RASGRP2: variants seen among roughly 807,000 people sequenced by gnomAD.
The protein encoded by RASGRP2 is RAS guanyl releasing protein 2, also known as RAS guanyl-releasing protein 2.
In RASGRP2, 44 loss-of-function variants were observed where a neutral mutation model predicts 71.0. The observed-to-expected ratio is 0.62, with a 90% CI of 0.49 to 0.80. The LOEUF (loss-of-function observed/expected upper bound fraction) is 0.80. RASGRP2 is among the 30% of genes least tolerant of loss of function. The probability of loss-of-function intolerance (pLI) is 0.00; values close to 1 mark genes in which losing one functional copy is unlikely to be tolerated. For missense variants in RASGRP2, 663 were observed against 813.4 expected, an observed-to-expected ratio of 0.82 and a Z score of 2.25; for synonymous variants, 350 against 330.7, an observed-to-expected ratio of 1.06 and a Z score of -0.63.
At chr11:64,737,657 C>T (rs187573028) in intron 8 of RASGRP2, among the ~76,000 whole-genome samples, 1,400 of 115,006 alleles carry the variant, frequency 0.012, 14 homozygotes, top group South Asian at 0.027. Context: ...TCCAGCCTGG[C>T]GACAGAGCAA....
At position 64,739,645 on chromosome 11, in the gene RASGRP2, G is replaced by T; in HGVS notation, c.687C>A (p.His229Gln). 1 of 1,613,420 alleles carries T rather than the reference G, an allele frequency of 6.2e-7. No individual in the cohort carries two copies. The highest frequency in any genetic ancestry group is 1.3e-5 in the African/African-American group (1 of 74,996). ...QRALVITHFV[H>Q]VAEKLLQLQN... ...AGGGAGGGGCAGGCACCTCCGCCACGTGGACAAAGTGTGTGATGACCAGGG... is the reference window on the plus strand; with the variant it reads ...AGGGAGGGGCAGGCACCTCCGCCACTTGGACAAAGTGTGTGATGACCAGGG... The change falls in exon 7 of 17, where the codon CAC (histidine) becomes CAA (glutamine). Residue 229 changes from histidine (H) to glutamine (Q), a missense_variant. Coordinates refer to ENST00000394432, the MANE Select transcript of RASGRP2 (RefSeq NM_001098671.2). The surrounding 1 kb of genome is among the most constrained non-coding windows in gnomAD (Gnocchi z 4.2).
Position 64,739,876 on chromosome 11 carries a change from C to A in RASGRP2, c.523-67G>T. 3 of 1,609,516 alleles carry A rather than the reference C, an allele frequency of 1.9e-6. No individual in the cohort carries two copies. The highest frequency in any genetic ancestry group is 2.5e-6 in the Non-Finnish European group (3 of 1,177,982). ...CCCCTCACTGATAGCCACTCCTCACCCTCCAGCTGACCTTCAGTGGTTACA... is the reference window on the plus strand; with the variant it reads ...CCCCTCACTGATAGCCACTCCTCACACTCCAGCTGACCTTCAGTGGTTACA... On this transcript the variant is annotated intron_variant, in intron 6 of 16. Transcript: ENST00000394432. This position sits in a 1 kb window ranked among gnomAD's most constrained non-coding sequence, Gnocchi z 4.2.
At chr11:64,729,658 A>C in intron 14 of RASGRP2, 104 bp downstream of exon 14, 3 of 1,379,286 alleles carry the variant, frequency 2.2e-6, no homozygotes, top group Non-Finnish European at 3.1e-6. Flanking sequence ...ATTTTAAGGT[A>C]CTTCACTCCT....
chr11:64,727,454 A>T, intron 15 of RASGRP2, 94 bp from the exon 16 acceptor site: 1 of 1,130,230 alleles, frequency 8.8e-7, no homozygotes. Flanking sequence ...ACATCATCCC[A>T]GAAGCAGACC....
chr11:64,729,786 A>T lies in RASGRP2; in HGVS notation c.1567T>A (p.Tyr523Asn), dbSNP rs756033009. Reference protein sequence around the residue: ...RHCKALILGIYKQGLKCRACG... With the variant: ...RHCKALILGINKQGLKCRACG... ...CCTCGGCATTTGAGGCCCTGCTTGT[A>T]GATGCCCAGGATCTGCAATAGAGGA... is the stretch of plus-strand genomic sequence containing the variant. The change falls in exon 14 of 17, where the codon TAC becomes AAC. Residue 523 changes from tyrosine (Y) to asparagine (N), a missense_variant. By Grantham distance (143) the Tyr-to-Asn change is moderately radical. Transcript: ENST00000394432. 1 of 1,614,026 alleles carries T rather than the reference A, an allele frequency of 6.2e-7. No homozygotes were observed. Among genetic ancestry groups the T allele is most frequent in the South Asian group, 1.1e-5 (1 of 91,080 alleles).
rs1043510462 is a variant in RASGRP2 at position 64,727,079 on chromosome 11, T to C, written c.*59A>G. On this transcript the variant is annotated 3_prime_UTR_variant, in exon 17 of 17. Transcript: ENST00000394432. Reference sequence around the variant, plus strand: ...GCCCCGACACCCCCAGGCTCCCTGCTCTGGTTGAAGTATTTTCTCCAAGGC... The same window carrying C: ...GCCCCGACACCCCCAGGCTCCCTGCCCTGGTTGAAGTATTTTCTCCAAGGC... 6.8e-5 allele frequency: 25 copies of C among 365,420 alleles called. No homozygotes were observed. Among genetic ancestry groups the C allele is most frequent in the Non-Finnish European group, 1.0e-4 (19 of 185,758 alleles). 22.6% of individuals were successfully genotyped at this position (365,420 alleles called of 1,614,324 possible). A position where few individuals can be genotyped will look rare whatever the true frequency, so the allele number is the denominator to read the frequency against.
rs937676250 is a variant in RASGRP2, at chr11:64,743,528, C to A, written c.-72+475G>T. The A allele has an allele frequency of 1.3e-4, 45 of 339,510 alleles. No individual in the cohort carries two copies. The highest frequency in any genetic ancestry group is 9.2e-4 in the African/African-American group (41 of 44,628). The allele number at this position is 339,510 out of a possible 1,614,324, so 21.0% of individuals were successfully genotyped here. On this transcript the variant is annotated intron_variant, in intron 1 of 16. Coordinates refer to ENST00000394432, the MANE Select transcript of RASGRP2 (RefSeq NM_001098671.2). This position sits in a 1 kb window ranked among gnomAD's most constrained non-coding sequence, Gnocchi z 4.9. ...GCGGACTGGATGGGAGAGGAACATT[C>A]CTGGGGCGGGGGGAGCCCGCTGCGG...
In RASGRP2 at chr11:64,744,102, G is replaced by C; in HGVS notation, c.-171C>G. 1 of 988,436 alleles carries C rather than the reference G, an allele frequency of 1.0e-6. No individual in the cohort carries two copies. Among genetic ancestry groups the C allele is most frequent in the Non-Finnish European group, 1.2e-6 (1 of 831,100 alleles). The allele number at this position is 988,436 out of a possible 1,614,324, so 61.2% of individuals were successfully genotyped here. A position where few individuals can be genotyped will look rare whatever the true frequency, so the allele number is the denominator to read the frequency against. The stretch of plus-strand genomic sequence containing the variant: ...CAGCCTTGAGTCCCGCGGCCACACA[G>C]GCGCTGACATCCTCACACGTGTGCA... On this transcript the variant is annotated 5_prime_UTR_variant, in exon 1 of 17. Transcript: ENST00000394432.
At position 64,742,566 on chromosome 11, in the gene RASGRP2, C is replaced by T. The variant is rs2058165690; in HGVS notation, c.73+228G>A. The T allele has an allele frequency of 6.4e-6, 4 of 629,574 alleles. No individual in the cohort carries two copies. In the South Asian group the frequency reaches 7.7e-5, roughly 12 times the overall value. 39.0% of individuals were successfully genotyped at this position (629,574 alleles called of 1,614,324 possible). On this transcript the variant is annotated intron_variant, in intron 2 of 16. Transcript: ENST00000394432. The surrounding 1 kb of genome is among the most constrained non-coding windows in gnomAD (Gnocchi z 4.7). ...GTGTCAGAGTCCGGGACCCGGCCCT[C>T]CCTTCGCCGCCGCTGGGGAAGGCTA...
intron 12 of RASGRP2, among the ~76,000 whole-genome samples, chr11:64,731,992 C>T (rs1011255896): frequency 6.6e-6 from 1 of 152,142 alleles, no homozygotes; most frequent in Non-Finnish European, 1.5e-5. Flanking sequence ...TTCATGGCAG[C>T]CTGGCATAGA....
rs1207753879 is a variant in RASGRP2, at chr11:64,742,945, G to A, written c.-71-8C>T. On this transcript the variant is annotated splice_polypyrimidine_tract_variant and splice_region_variant and intron_variant, in intron 1 of 16. Transcript: ENST00000394432. This position sits in a 1 kb window ranked among gnomAD's most constrained non-coding sequence, Gnocchi z 4.7. ...CGGGCTCGGACCGAACCCCTGTCCCGGGAGAGGCAGAGCGGGAGTCTGCGG... is the reference window on the plus strand; with the variant it reads ...CGGGCTCGGACCGAACCCCTGTCCCAGGAGAGGCAGAGCGGGAGTCTGCGG... The A allele has an allele frequency of 2.0e-6, 3 of 1,529,764 alleles. No individual in the cohort carries two copies. The highest frequency in any genetic ancestry group is 2.5e-5 in the East Asian group (1 of 40,770). 94.8% of individuals were successfully genotyped at this position (1,529,764 alleles called of 1,614,324 possible). A position where few individuals can be genotyped will look rare whatever the true frequency, so the allele number is the denominator to read the frequency against.
At position 64,735,314 on chromosome 11, in the gene RASGRP2, A is replaced by G; in HGVS notation, c.1297-87T>C. The G allele has an allele frequency of 1.6e-6, 2 of 1,284,908 alleles. No individual in the cohort carries two copies. The highest frequency in any genetic ancestry group is 3.6e-5 in the Admixed American group (2 of 55,922). The allele number at this position is 1,284,908 out of a possible 1,614,324, so 79.6% of individuals were successfully genotyped here. ...CTGTCCCTTCCCACGTTCCCAGTCCATTTGATGAGGTGTGTCTCAGAGAGG... is the reference window on the plus strand; with the variant it reads ...CTGTCCCTTCCCACGTTCCCAGTCCGTTTGATGAGGTGTGTCTCAGAGAGG... On this transcript the variant is annotated intron_variant, in intron 11 of 16. Transcript: ENST00000394432. The surrounding 1 kb of genome is among the most constrained non-coding windows in gnomAD (Gnocchi z 4.2).
At chr11:64,741,780 G>C (rs752187593) in intron 3 of RASGRP2, among the ~76,000 whole-genome samples, 12 of 152,200 alleles carry the variant, frequency 7.9e-5, no homozygotes, top group Non-Finnish European at 1.8e-4. Context: ...ACTCTAGGGA[G>C]AAGGAGGGCA....
chr11:64,736,872 G>A lies in RASGRP2; in HGVS notation c.976C>T (p.Arg326Trp), dbSNP rs761273034. ...LALPDWLDPA[R>W]TRLNGAKMKQ... ...ATCTTGGCCCCGTTGAGCCGGGTCC[G>A]GGCTGGGTCCAGCCAGTCAGGCAGT... Residue 326 changes from arginine to tryptophan, a missense_variant, in exon 9 of 17, where the codon CGG becomes TGG. Transcript: ENST00000394432. 8 of 1,613,600 alleles carry A rather than the reference G, an allele frequency of 5.0e-6. No individual in the cohort carries two copies. The highest frequency in any genetic ancestry group is 2.2e-5 in the East Asian group (1 of 44,892).
At chr11:64,729,568 C>T (rs937622241) in intron 14 of RASGRP2, among the ~76,000 whole-genome samples, 194 bp downstream of exon 14, 4 of 152,136 alleles carry the variant, frequency 2.6e-5, no homozygotes, top group African/African-American at 7.2e-5. Context: ...AACTCCTGAC[C>T]TCAGGTGATC....
At position 64,735,563 on chromosome 11, in the gene RASGRP2, C is replaced by T; in HGVS notation, c.1275G>A (p.Glu425=). Reference sequence around the variant, plus strand: ...TCACCTCCACCATCTTCTCGATGTGCTCCACCACGAGGGCCTGATCCAGCT... The same window carrying T: ...TCACCTCCACCATCTTCTCGATGTGTTCCACCACGAGGGCCTGATCCAGCT... The part of the protein sequence containing the change: ...KPKLDQALVV[E]HIEKMVESVF... The change falls in exon 11 of 17, where the codon GAG becomes GAA. Residue 425 remains glutamate (E), a synonymous_variant. Transcript: ENST00000394432. The surrounding 1 kb of genome is among the most constrained non-coding windows in gnomAD (Gnocchi z 4.2). The T allele has an allele frequency of 3.1e-6, 5 of 1,614,122 alleles. No homozygotes were observed. The highest frequency in any genetic ancestry group is 2.2e-5 in the East Asian group (1 of 44,882).
rs200958131 is a variant in RASGRP2 at position 64,736,893 on chromosome 11, G to A, written c.955C>T (p.Pro319Ser). The A allele has an allele frequency of 6.2e-7, 1 of 1,613,932 alleles. No individual in the cohort carries two copies. Among genetic ancestry groups the A allele is most frequent in the Non-Finnish European group, 8.5e-7 (1 of 1,180,038 alleles). Residue 319 changes from proline to serine, a missense_variant, in exon 9 of 17, where the codon CCT becomes TCT. Physicochemically the swap from Pro to Ser is moderately conservative, Grantham distance 74. Transcript: ENST00000394432. The part of the protein sequence containing the change: ...KDLVALQLAL[P>S]DWLDPARTRL... Reference sequence around the variant, plus strand: ...GTCCGGGCTGGGTCCAGCCAGTCAGGCAGTGCCAGCTGCAGGGCCACCAGG... The same window carrying A: ...GTCCGGGCTGGGTCCAGCCAGTCAGACAGTGCCAGCTGCAGGGCCACCAGG...
chr11:64,732,594 C>A (rs777382971), intron 12 of RASGRP2, among the ~76,000 whole-genome samples: 1 of 151,684 alleles, frequency 6.6e-6, no homozygotes, highest in Admixed American at 6.6e-5. Context: ...GAGGTCGAGA[C>A]CACGGTGAAA....
intron 8 of RASGRP2, chr11:64,737,337 C>T (rs1176609635): frequency 2.3e-6 from 1 of 434,828 alleles, no homozygotes; most frequent in African/African-American, 2.0e-5. Context: ...GGACAATGAC[C>T]TGGAAGAACA....
Sources: gnomAD v4.1 joint callset for allele counts (sites outside exome capture counted in the v4.1 genomes callset) on GRCh38, gnomAD v4.1.1 for gene constraint, Gnocchi (gnomAD v3.1) non-coding constraint, MANE v1.5 for transcripts, NCBI Gene and HGNC (gene_info 2026-07-23, HGNC 2026-07-21) for gene names.